The following COL23A1 variants were observed in gnomAD, a reference collection of about 807,000 sequenced individuals.
The protein encoded by COL23A1 is collagen alpha-1(XXIII) chain.
A neutral mutation model predicts 99.3 loss-of-function variants in COL23A1; 97 were observed. The observed-to-expected ratio is 0.98, with a 90% CI of 0.83 to 1.16. The LOEUF (loss-of-function observed/expected upper bound fraction) is 1.16, where lower values mean the gene tolerates loss of function less well. Among genes scored for constraint, COL23A1 ranks in the 50% most tolerant of loss-of-function variants. The pLI is 0.00. For synonymous variants in COL23A1, 320 were observed against 308.2 expected (o/e 1.04, Z -0.40); for missense variants, 762 against 757.4 (o/e 1.01, Z -0.07).
In COL23A1 at chr5:178,365,277, C is replaced by T. The variant is rs1262550541; in HGVS notation, c.362-58358G>A. ...TGCTCAGGCAGATGGTGTGGGAGAG[C>T]GAGGTTGTGCTTTGATGCATGGGGT... On this transcript the variant is annotated intron_variant, in intron 2 of 28. Transcript: ENST00000390654. This position sits in a 1 kb window ranked among gnomAD's most constrained non-coding sequence, Gnocchi z 5.2. Among the ~76,000 whole-genome samples the T allele has an allele frequency of 2.6e-5, 4 of 151,974 alleles. No homozygotes were observed. The highest frequency in any genetic ancestry group is 6.6e-5 in the Admixed American group (1 of 15,258).
chr5:178,444,763 T>A (rs1028127410), intron 2 of COL23A1, among the ~76,000 whole-genome samples: 17 of 152,122 alleles, frequency 1.1e-4, no homozygotes, highest in African/African-American at 3.9e-4. Flanking sequence ...GCCACTGCAC[T>A]CCAACCTGGG....
intron 2 of COL23A1, among the ~76,000 whole-genome samples, chr5:178,319,559 C>T (rs1759172087): frequency 6.6e-6 from 1 of 152,226 alleles, no homozygotes; most frequent in Non-Finnish European, 1.5e-5. Context: ...AGGCCTTTGG[C>T]AGGCACTTGC....
chr5:178,528,483 A>G (rs556465740), intron 2 of COL23A1, among the ~76,000 whole-genome samples: 1 of 152,158 alleles, frequency 6.6e-6, no homozygotes, highest in African/African-American at 2.4e-5. Flanking sequence ...GGCCACAGTG[A>G]TGAGTTCCAA....
intron 2 of COL23A1, among the ~76,000 whole-genome samples, chr5:178,486,468 G>A (rs549696549): frequency 2.6e-5 from 4 of 152,278 alleles, no homozygotes; most frequent in Admixed American, 6.5e-5. Flanking sequence ...AAAGCAAAAC[G>A]TTGACAAGAC....
chr5:178,377,574 C>T (rs1763144439), intron 2 of COL23A1, among the ~76,000 whole-genome samples: 1 of 152,224 alleles, frequency 6.6e-6, no homozygotes, highest in South Asian at 2.1e-4. Flanking sequence ...ATCCTCAAGC[C>T]TAACTTCCCT....
At chr5:178,369,962 G>A (rs1271384385) in intron 2 of COL23A1, among the ~76,000 whole-genome samples, 1 of 152,196 alleles carries the variant, frequency 6.6e-6, no homozygotes. Context: ...TTCTAGATGT[G>A]GCCCGAAGTA....
intron 3 of COL23A1, among the ~76,000 whole-genome samples, chr5:178,296,126 T>C (rs1281360439): frequency 6.6e-6 from 1 of 152,194 alleles, no homozygotes; most frequent in Non-Finnish European, 1.5e-5. Context: ...TCCTCCCAGC[T>C]TTTGCTGCCT....
chr5:178,272,593 A>G (rs1756353517), intron 5 of COL23A1, among the ~76,000 whole-genome samples: 1 of 152,166 alleles, frequency 6.6e-6, no homozygotes, highest in South Asian at 2.1e-4. Context: ...CCTCCATCAC[A>G]GGCATAGTTC....
At chr5:178,467,577 C>T (rs926311302) in intron 2 of COL23A1, among the ~76,000 whole-genome samples, 4 of 152,040 alleles carry the variant, frequency 2.6e-5, no homozygotes, top group Non-Finnish European at 5.9e-5. Flanking sequence ...CCCCATTGTG[C>T]GAGGGTTTGA....
At chr5:178,487,332 A>ATTTATTTATTT (rs1757692615) in intron 2 of COL23A1, among the ~76,000 whole-genome samples, 1 of 150,752 alleles carries the variant, frequency 6.6e-6, no homozygotes, top group Non-Finnish European at 1.5e-5. Flanking sequence ...TTATTTATTT[A>ATTTATTTATTT]TTTAGAGAAG....
chr5:178,533,391 A>T (rs1465944991), intron 2 of COL23A1, among the ~76,000 whole-genome samples: 1 of 152,174 alleles, frequency 6.6e-6, no homozygotes, highest in Admixed American at 6.5e-5. Flanking sequence ...CTTCTCCAGG[A>T]CTACTCTAAC....
At position 178,428,512 on chromosome 5, in the gene COL23A1, T is replaced by C. The variant is rs1766073943; in HGVS notation, c.362-121593A>G. ...CCGGAGTGACTGCCAGCTGGGCCTG[T>C]GCTCTGTGTCCAGGAGCCGCGGCAG... On this transcript the variant is annotated intron_variant, in intron 2 of 28. Coordinates refer to ENST00000390654, the MANE Select transcript of COL23A1 (RefSeq NM_173465.4). The surrounding 1 kb of genome is among the most constrained non-coding windows in gnomAD (Gnocchi z 5.0). 6.6e-6 allele frequency among the ~76,000 whole-genome samples: 1 copy of C among 152,200 alleles called. No individual in the cohort carries two copies. Among genetic ancestry groups the C allele is most frequent in the Non-Finnish European group, 1.5e-5 (1 of 68,022 alleles).
intron 2 of COL23A1, among the ~76,000 whole-genome samples, chr5:178,324,260 G>A (rs1759514671): frequency 6.6e-6 from 1 of 152,156 alleles, no homozygotes; most frequent in African/African-American, 2.4e-5. Context: ...ACGCTATGCC[G>A]GGCTGGTCTG....
At chr5:178,526,045 T>C (rs1760288854) in intron 2 of COL23A1, among the ~76,000 whole-genome samples, 1 of 152,094 alleles carries the variant, frequency 6.6e-6, no homozygotes, top group Non-Finnish European at 1.5e-5. Flanking sequence ...GAGGCGAGTG[T>C]CCTCGGAGTG....
In COL23A1 at chr5:178,247,806, G is replaced by T. The variant is rs866346888; in HGVS notation, c.1238C>A (p.Pro413His). The change falls in exon 21 of 29, where the codon CCC becomes CAC. Residue 413 changes from proline (P) to histidine (H), a missense_variant. Coordinates refer to ENST00000390654, the MANE Select transcript of COL23A1 (RefSeq NM_173465.4). ...SLAQLIVEPG[P>H]PGPPGPPGPM... ...GCCTGGGGGGCCAGGGGGGCCAGGG[G>T]GCCCTGGCTCCACTATGAGCTGAGC... 3 of 1,613,474 alleles carry T rather than the reference G, an allele frequency of 1.9e-6. No individual in the cohort carries two copies. Among genetic ancestry groups the T allele is most frequent in the South Asian group, 2.2e-5 (2 of 90,972 alleles).
intron 8 of COL23A1, chr5:178,265,578 C>T (rs1755836307): frequency 1.4e-6 from 1 of 717,984 alleles, no homozygotes; most frequent in Non-Finnish European, 1.7e-6. Flanking sequence ...TGGCTGAGGT[C>T]TAACCCTGCA....
intron 2 of COL23A1, among the ~76,000 whole-genome samples, chr5:178,378,603 T>A (rs890213983): frequency 6.6e-6 from 1 of 151,976 alleles, no homozygotes; most frequent in African/African-American, 2.4e-5. Context: ...ATGGGAGAAG[T>A]TCCCCCGCAG....
chr5:178,247,358 G>A (rs1044776910), intron 22 of COL23A1, among the ~76,000 whole-genome samples, 168 bp downstream of exon 22: 5 of 152,126 alleles, frequency 3.3e-5, no homozygotes, highest in African/African-American at 9.7e-5. Flanking sequence ...TGGCCTCAAC[G>A]ACATCGGGGA....
chr5:178,238,642 T>G lies in COL23A1; in HGVS notation c.*56A>C. The G allele has an allele frequency of 6.2e-7, 1 of 1,608,122 alleles. No homozygotes were observed. Among genetic ancestry groups the G allele is most frequent in the Non-Finnish European group, 8.5e-7 (1 of 1,176,652 alleles). ...GATCAATATATTACTGTTTTGTTTT[T>G]ACAAAAATTAAAAATGTCCACACGG... On this transcript the variant is annotated 3_prime_UTR_variant, in exon 29 of 29. Transcript: ENST00000390654.
Sources: allele counts gnomAD v4.1 joint callset (sites outside exome capture counted in the v4.1 genomes callset), GRCh38; gene constraint gnomAD v4.1.1; non-coding constraint Gnocchi (gnomAD v3.1); transcripts MANE v1.5; gene names NCBI Gene and HGNC (gene_info 2026-07-23, HGNC 2026-07-21).